Variants in MYO10 observed in about 807,000 individuals in gnomAD.
The protein encoded by MYO10 is myosin X.
A neutral mutation model predicts 257.3 loss-of-function variants in MYO10; 133 were observed. That is an observed-to-expected ratio of 0.52 (90% CI 0.45 to 0.60). The LOEUF is 0.60. MYO10 is among the 20% of genes least tolerant of loss of function. MYO10 has a pLI of 0.00. For synonymous variants in MYO10, 1,104 were observed against 1,028.6 expected (o/e 1.07, Z -1.40); for missense variants, 2,399 against 2,635.7 (o/e 0.91, Z 1.97).
rs117145041 is a variant in MYO10 at position 16,926,876 on chromosome 5, G to A, written c.21+8912C>T. On this transcript the variant is annotated intron_variant, in intron 1 of 40. Transcript: ENST00000513610. ...ATGAAAAATATACTATGGAGTATACGTATTTATTACTCATGAAACATCAAC... is the reference window on the plus strand; with the variant it reads ...ATGAAAAATATACTATGGAGTATACATATTTATTACTCATGAAACATCAAC... Among the ~76,000 whole-genome samples the A allele has an allele frequency of 4.3e-4, 65 of 152,198 alleles. 1 individual carries two copies. In the East Asian group the frequency reaches 0.011, roughly 25 times the overall value.
intron 2 of MYO10, among the ~76,000 whole-genome samples, chr5:16,860,651 A>G (rs1221283315): frequency 6.6e-6 from 1 of 152,038 alleles, no homozygotes; most frequent in East Asian, 1.9e-4. Flanking sequence ...AGGATGGGAG[A>G]AGGAAGGAAG....
intron 2 of MYO10, among the ~76,000 whole-genome samples, chr5:16,853,096 C>T (rs533286763): frequency 1.6e-3 from 237 of 152,190 alleles, no homozygotes; most frequent in Non-Finnish European, 2.2e-3. Context: ...GTTGGCCGGG[C>T]GCGGCGGCTC....
In MYO10 at chr5:16,781,803, G is replaced by A. The variant is rs754586240; in HGVS notation, c.629C>T (p.Ala210Val). Residue 210 changes from alanine to valine, a missense_variant, in exon 6 of 41, where the codon GCG (alanine) becomes GTG (valine). Around this residue, in one of 3 missense-constraint regions of MYO10, gnomAD observed 337 missense variants for 446.8 expected, o/e 0.75. Coordinates refer to ENST00000513610, the MANE Select transcript of MYO10 (RefSeq NM_012334.3). ...AGAGTTGTTGTTGTACACGGTCTTC[G>A]CATTGCCGAAAGCTTCCATGATGGG... ...SSPIMEAFGN[A>V]KTVYNNNSSR... 9.3e-6 allele frequency: 15 copies of A among 1,613,814 alleles called. 1 individual carries two copies. Among genetic ancestry groups the A allele is most frequent in the Admixed American group, 6.7e-5 (4 of 59,998 alleles).
intron 1 of MYO10, among the ~76,000 whole-genome samples, chr5:16,900,768 C>T (rs1260099341): frequency 2.5e-5 from 3 of 121,016 alleles, no homozygotes; most frequent in Non-Finnish European, 3.4e-5. Context: ...GAGACAGAGT[C>T]TTGCTCTGTC....
At chr5:16,891,114 C>A (rs1156948314) in intron 1 of MYO10, among the ~76,000 whole-genome samples, 1 of 151,680 alleles carries the variant, frequency 6.6e-6, no homozygotes. Context: ...GAAACCCAGT[C>A]TCCACTAAAA....
chr5:16,700,284 T>C (rs1027143523), intron 25 of MYO10, among the ~76,000 whole-genome samples: 1 of 152,144 alleles, frequency 6.6e-6, no homozygotes, highest in Non-Finnish European at 1.5e-5. Context: ...GGATGTGTCT[T>C]CATTTCCTAA....
intron 19 of MYO10, among the ~76,000 whole-genome samples, chr5:16,754,446 A>G (rs1740471159): frequency 6.6e-6 from 1 of 152,018 alleles, no homozygotes; most frequent in African/African-American, 2.4e-5. Flanking sequence ...CAAAAAAAAG[A>G]AGGAAAGAAA....
chr5:16,792,840 C>T (rs766557690), intron 4 of MYO10, among the ~76,000 whole-genome samples: 1 of 152,172 alleles, frequency 6.6e-6, no homozygotes, highest in Admixed American at 6.5e-5. Context: ...ATCGGAAATC[C>T]GGAGAGAGGG....
chr5:16,793,480 C>T (rs988150769), intron 4 of MYO10, among the ~76,000 whole-genome samples: 9 of 152,046 alleles, frequency 5.9e-5, no homozygotes, highest in African/African-American at 1.2e-4. Flanking sequence ...TGAGCCACCG[C>T]GCCTGGCTGA....
intron 4 of MYO10, among the ~76,000 whole-genome samples, chr5:16,785,158 G>T (rs767858567): frequency 6.6e-6 from 1 of 152,216 alleles, no homozygotes; most frequent in Non-Finnish European, 1.5e-5. Context: ...CCCTGAAACT[G>T]CCCTGCCTCA....
chr5:16,725,078 C>CTTTT (rs34100971), intron 19 of MYO10, among the ~76,000 whole-genome samples: 1,682 of 74,994 alleles, frequency 0.022, 62 homozygotes, highest in Non-Finnish European at 0.03. Context: ...CCTTCTTCTT[C>CTTTT]TTTTTTTTTT....
At chr5:16,779,048 T>C (rs1187614975) in intron 9 of MYO10, among the ~76,000 whole-genome samples, 1 of 152,166 alleles carries the variant, frequency 6.6e-6, no homozygotes, top group Non-Finnish European at 1.5e-5. Flanking sequence ...TCCCTGTGCC[T>C]AAGTTTTCCT....
At chr5:16,757,124 A>G (rs1209965008) in intron 18 of MYO10, among the ~76,000 whole-genome samples, 1 of 148,974 alleles carries the variant, frequency 6.7e-6, no homozygotes, top group African/African-American at 2.5e-5. Flanking sequence ...GCCTTTAAAA[A>G]AAAAAAAAAA....
In MYO10 at chr5:16,935,881, G is replaced by T. The variant is rs1008840094; in HGVS notation, c.-73C>A. ...AAGTCAGCGCCGCCGCGGGTCCGGG[G>T]AAACCATGCGTGTCACGGCGCCACT... On this transcript the variant is annotated 5_prime_UTR_variant, in exon 1 of 41. Transcript: ENST00000513610. 1.1e-5 allele frequency: 18 copies of T among 1,579,846 alleles called. No homozygotes were observed. The highest frequency in any genetic ancestry group is 8.6e-7 in the Non-Finnish European group (1 of 1,160,884).
chr5:16,704,816 T>A, intron 21 of MYO10, 131 bp from the exon 22 acceptor site: 1 of 666,420 alleles, frequency 1.5e-6, no homozygotes, highest in South Asian at 1.9e-5. Flanking sequence ...GGCCATGCTT[T>A]CTAGAATAGT....
At chr5:16,710,138 G>T (rs981009896) in intron 21 of MYO10, among the ~76,000 whole-genome samples, 1 of 152,112 alleles carries the variant, frequency 6.6e-6, no homozygotes, top group Admixed American at 6.6e-5. Context: ...CAGAAGGAGC[G>T]GGAATGAGGA....
chr5:16,780,004 C>T (rs942439860), intron 8 of MYO10, among the ~76,000 whole-genome samples: 5 of 152,126 alleles, frequency 3.3e-5, no homozygotes, highest in South Asian at 2.1e-4. Flanking sequence ...CGGGTTCAAG[C>T]GATTCTCCTG....
chr5:16,769,597 C>G (rs1303848688), intron 9 of MYO10, among the ~76,000 whole-genome samples: 1 of 152,138 alleles, frequency 6.6e-6, no homozygotes, highest in East Asian at 1.9e-4. Flanking sequence ...ACCTTGGCCT[C>G]CCAAAGTTCT....
At chr5:16,742,019 AG>A in intron 19 of MYO10, 8 of 985,428 alleles carry the variant, frequency 8.1e-6, no homozygotes, top group Non-Finnish European at 9.6e-6. Flanking sequence ...CTGACGTGAT[AG>A]GAACTGCTGA....
Sources: allele counts gnomAD v4.1 joint callset (sites outside exome capture counted in the v4.1 genomes callset), GRCh38; gene constraint gnomAD v4.1.1; regional missense constraint gnomAD v4.1.1; transcripts MANE v1.5; gene names NCBI Gene and HGNC (gene_info 2026-07-23, HGNC 2026-07-21).